Variants in NBAS observed in about 807,000 individuals in gnomAD.
The protein encoded by NBAS is NBAS subunit of NRZ tethering complex, also known as NAG/BC035112 fusion.
A neutral mutation model predicts 302.5 loss-of-function variants in NBAS; 219 were observed. The observed-to-expected ratio is 0.72, with a 90% confidence interval of 0.65 to 0.81. NBAS has a LOEUF of 0.81. NBAS is among the 30% of genes least tolerant of loss of function. The pLI, the probability that NBAS is intolerant of heterozygous loss-of-function variation, is 0.00. For synonymous variants in NBAS, 1,118 were observed against 1,021.6 expected, an observed-to-expected ratio of 1.09 and a Z score of -1.80; for missense variants, 2,932 against 2,841.6, an observed-to-expected ratio of 1.03 and a Z score of -0.72.
At chr2:15,408,149 T>G (rs954562993) in intron 25 of NBAS, among the ~76,000 whole-genome samples, 49 of 152,218 alleles carry the variant, frequency 3.2e-4, no homozygotes, top group African/African-American at 1.2e-3. Flanking sequence ...AACATCTTCA[T>G]AGGTTCAGGA....
At chr2:14,931,353 C>G in the NBAS span, among the ~76,000 whole-genome samples, 4 of 152,134 alleles carry the variant, frequency 2.6e-5, no homozygotes, top group South Asian at 4.2e-4. Flanking sequence ...GAGGGGTTTG[C>G]TGGGCTTGAA....
the NBAS span, among the ~76,000 whole-genome samples, chr2:14,979,962 G>C: frequency 2.6e-5 from 4 of 152,098 alleles, no homozygotes; most frequent in African/African-American, 9.7e-5. Context: ...TTAAAATCCT[G>C]CTAAATGTGA....
intron 47 of NBAS, among the ~76,000 whole-genome samples, chr2:15,231,351 A>G (rs1667374843): frequency 1.3e-5 from 2 of 152,170 alleles, no homozygotes; most frequent in African/African-American, 4.8e-5. Flanking sequence ...CTCATTCTAT[A>G]TTCTGTCACT....
At chr2:15,549,528 C>T in intron 6 of NBAS, among the ~76,000 whole-genome samples, 1 of 150,944 alleles carries the variant, frequency 6.6e-6, no homozygotes, top group East Asian at 2.0e-4. Context: ...CATGAGTGCA[C>T]CAGGCTGGGC....
At chr2:14,831,946 C>A in the NBAS span, among the ~76,000 whole-genome samples, 1 of 152,200 alleles carries the variant, frequency 6.6e-6, no homozygotes, top group East Asian at 1.9e-4. Context: ...CTGTAAACTT[C>A]TTTCTAGCCA....
the NBAS span, among the ~76,000 whole-genome samples, chr2:14,998,848 G>A: frequency 6.6e-6 from 1 of 152,138 alleles, no homozygotes; most frequent in Non-Finnish European, 1.5e-5. Flanking sequence ...CTAAGAAAAA[G>A]GTCTCCTGAT....
the NBAS span, among the ~76,000 whole-genome samples, chr2:15,158,013 T>A: frequency 6.6e-6 from 1 of 152,126 alleles, no homozygotes; most frequent in African/African-American, 2.4e-5. Context: ...TAGGGGAGAA[T>A]GGGGACAGTG....
At chr2:14,904,917 C>T in the NBAS span, among the ~76,000 whole-genome samples, 4 of 152,054 alleles carry the variant, frequency 2.6e-5, no homozygotes, top group Non-Finnish European at 4.4e-5. Flanking sequence ...GGCGCAGTGG[C>T]GGGCGCCTGT....
chr2:14,811,255 A>G, the NBAS span, among the ~76,000 whole-genome samples: 3 of 152,194 alleles, frequency 2.0e-5, no homozygotes, highest in East Asian at 5.8e-4. Flanking sequence ...TAACAAAACA[A>G]ATTAATTAGC....
intron 21 of NBAS, among the ~76,000 whole-genome samples, chr2:15,457,699 G>A (rs1466596574): frequency 6.6e-6 from 1 of 152,166 alleles, no homozygotes; most frequent in Non-Finnish European, 1.5e-5. Flanking sequence ...GAAAGTGGAG[G>A]AAAGCACTCA....
the NBAS span, among the ~76,000 whole-genome samples, chr2:15,108,544 A>G: frequency 6.6e-4 from 100 of 152,278 alleles, no homozygotes; most frequent in Non-Finnish European, 1.2e-3. Context: ...CTCTAAATGT[A>G]TCTGGTCCAG....
chr2:14,908,989 C>A, the NBAS span, among the ~76,000 whole-genome samples: 2 of 152,136 alleles, frequency 1.3e-5, no homozygotes, highest in South Asian at 2.1e-4. Context: ...TGGAGTCTGA[C>A]CCATCTCTTT....
chr2:15,159,458 C>G, the NBAS span, among the ~76,000 whole-genome samples: 1 of 151,776 alleles, frequency 6.6e-6, no homozygotes, highest in Admixed American at 6.6e-5. Context: ...GGGACCAGCA[C>G]GTTACAACAT....
chr2:15,381,467 A>G (rs10172344), intron 29 of NBAS, among the ~76,000 whole-genome samples: 90,403 of 152,014 alleles, frequency 0.59, 28,011 homozygotes, highest in Non-Finnish European at 0.68. Context: ...AAAATATCAA[A>G]GCCTAATAAA....
At chr2:14,952,169 C>A in the NBAS span, among the ~76,000 whole-genome samples, 3 of 152,132 alleles carry the variant, frequency 2.0e-5, no homozygotes, top group Non-Finnish European at 4.4e-5. Context: ...AAGCTGGTGC[C>A]CCAGTAGCAG....
intron 49 of NBAS, 69 bp from the exon 50 acceptor site, chr2:15,186,949 A>T: frequency 6.3e-7 from 1 of 1,588,284 alleles, no homozygotes; most frequent in Non-Finnish European, 8.6e-7. Context: ...GATAAATTTT[A>T]AAACAAGTGA....
At chr2:14,830,012 C>A in the NBAS span, among the ~76,000 whole-genome samples, 4 of 151,978 alleles carry the variant, frequency 2.6e-5, no homozygotes, top group East Asian at 7.7e-4. Context: ...AATATAGAGG[C>A]TGGTCCAGTT....
chr2:15,344,253 T>C (rs1672985619), intron 35 of NBAS, among the ~76,000 whole-genome samples: 1 of 151,784 alleles, frequency 6.6e-6, no homozygotes, highest in Admixed American at 6.6e-5. Flanking sequence ...CAGTTAAAAA[T>C]AGACTGCTAG....
chr2:14,844,305 A>T, the NBAS span, among the ~76,000 whole-genome samples: 1 of 152,112 alleles, frequency 6.6e-6, no homozygotes, highest in African/African-American at 2.4e-5. Context: ...ACCCTGGGCC[A>T]GAAGGGAACT....
Sources: gnomAD v4.1 joint callset for allele counts (sites outside exome capture counted in the v4.1 genomes callset) on GRCh38, gnomAD v4.1.1 for gene constraint, MANE v1.5 for transcripts, NCBI Gene and HGNC (gene_info 2026-07-23, HGNC 2026-07-21) for gene names.